The following COL21A1 variants were observed in gnomAD, a reference collection of about 807,000 sequenced individuals.
COL21A1 encodes the protein collagen alpha-1(XXI) chain.
COL21A1 carries 149 observed loss-of-function variants against 137.9 expected under a neutral mutation model. The observed-to-expected ratio is 1.08, with a 90% CI of 0.95 to 1.24. The LOEUF (loss-of-function observed/expected upper bound fraction) is 1.24, where lower values mean the gene tolerates loss of function less well. COL21A1 is among the 50% of genes most tolerant of loss of function. COL21A1 has a pLI of 0.00. For synonymous variants in COL21A1, 456 were observed against 391.5 expected, an observed-to-expected ratio of 1.16 and a Z score of -1.95; for missense variants, 1,167 against 1,158.4, an observed-to-expected ratio of 1.01 and a Z score of -0.11.
At chr6:56,094,852 A>G (rs1339606045) in intron 17 of COL21A1, among the ~76,000 whole-genome samples, 1 of 152,148 alleles carries the variant, frequency 6.6e-6, no homozygotes, top group East Asian at 1.9e-4. Flanking sequence ...TCTCTAGGAA[A>G]CTTCAGTGTT....
chr6:56,178,050 G>A (rs1184069075), intron 3 of COL21A1, among the ~76,000 whole-genome samples: 1 of 152,034 alleles, frequency 6.6e-6, no homozygotes, highest in East Asian at 1.9e-4. Context: ...TTCATGTGTA[G>A]TTAGAATCAT....
intron 1 of COL21A1, among the ~76,000 whole-genome samples, chr6:56,362,884 T>C (rs934774206): frequency 2.6e-5 from 4 of 152,214 alleles, no homozygotes; most frequent in African/African-American, 9.6e-5. Context: ...ATTCTTCCAC[T>C]TGGCAGCAAA....
chr6:56,243,680 T>C (rs1246272611), intron 1 of COL21A1, among the ~76,000 whole-genome samples: 1 of 152,170 alleles, frequency 6.6e-6, no homozygotes, highest in Non-Finnish European at 1.5e-5. Context: ...CCTACTGAGG[T>C]AGGTTCTACT....
chr6:56,177,531 C>G (rs1044652055), intron 3 of COL21A1, among the ~76,000 whole-genome samples: 2 of 152,090 alleles, frequency 1.3e-5, no homozygotes, highest in Non-Finnish European at 2.9e-5. Flanking sequence ...CGGTGGCTCA[C>G]GCCTGTAATC....
chr6:56,358,118 C>A (rs199536107), intron 1 of COL21A1, among the ~76,000 whole-genome samples: 2 of 152,048 alleles, frequency 1.3e-5, no homozygotes, highest in Admixed American at 6.6e-5. Flanking sequence ...TTCAGTTGCA[C>A]TTTTTTTCTA....
At chr6:56,305,441 GGATA>G (rs1457435841) in intron 1 of COL21A1, among the ~76,000 whole-genome samples, 1 of 152,226 alleles carries the variant, frequency 6.6e-6, no homozygotes, top group African/African-American at 2.4e-5. Flanking sequence ...TATATATTTA[GGATA>G]GTTAGCTCTT....
At chr6:56,129,341 T>C (rs747072676) in intron 12 of COL21A1, among the ~76,000 whole-genome samples, 1 of 152,060 alleles carries the variant, frequency 6.6e-6, no homozygotes, top group Non-Finnish European at 1.5e-5. Context: ...AGAATGCAGA[T>C]AATACAGTAA....
At chr6:56,098,480 T>C (rs1460583071) in intron 17 of COL21A1, among the ~76,000 whole-genome samples, 2 of 18,522 alleles carry the variant, frequency 1.1e-4, no homozygotes, top group African/African-American at 5.6e-4. Context: ...TATATAAATA[T>C]ACATATATAA....
chr6:56,144,847 C>T (rs1774712871), intron 10 of COL21A1, among the ~76,000 whole-genome samples: 1 of 152,196 alleles, frequency 6.6e-6, no homozygotes, highest in Non-Finnish European at 1.5e-5. Flanking sequence ...AATGTTTGCC[C>T]TTCCTTTTAC....
chr6:56,084,877 C>T (rs1306264346), intron 17 of COL21A1, among the ~76,000 whole-genome samples: 1 of 152,010 alleles, frequency 6.6e-6, no homozygotes, highest in Non-Finnish European at 1.5e-5. Flanking sequence ...CTTAATACAC[C>T]TCCCTGCTAT....
At chr6:56,100,973 G>A (rs1426561172) in intron 17 of COL21A1, among the ~76,000 whole-genome samples, 1 of 152,150 alleles carries the variant, frequency 6.6e-6, no homozygotes, top group Non-Finnish European at 1.5e-5. Flanking sequence ...TGTTGGCCAC[G>A]AGTTGTAGGA....
At chr6:56,248,939 A>T (rs1434304333), upstream of COL21A1, among the ~76,000 whole-genome samples, 1 of 152,226 alleles carries the variant, frequency 6.6e-6, no homozygotes, top group Non-Finnish European at 1.5e-5. Context: ...AAATCACACT[A>T]TCTAGAAAGT....
intron 1 of COL21A1, among the ~76,000 whole-genome samples, chr6:56,294,494 A>T (rs1764120288): frequency 6.6e-6 from 1 of 152,060 alleles, no homozygotes; most frequent in Non-Finnish European, 1.5e-5. Flanking sequence ...CCCTTTGCCC[A>T]TATACACACA....
intron 1 of COL21A1, among the ~76,000 whole-genome samples, chr6:56,376,900 C>A (rs1436308418): frequency 7.4e-6 from 1 of 136,054 alleles, no homozygotes; most frequent in Non-Finnish European, 1.5e-5. Context: ...TTCATAAGAA[C>A]CAAAAATCAG....
At chr6:56,353,703 T>C (rs1364593160) in intron 1 of COL21A1, among the ~76,000 whole-genome samples, 1 of 152,070 alleles carries the variant, frequency 6.6e-6, no homozygotes, top group African/African-American at 2.4e-5. Context: ...TATCAAAATG[T>C]GAATAACCAG....
intron 1 of COL21A1, among the ~76,000 whole-genome samples, chr6:56,377,335 G>A (rs1023062722): frequency 3.3e-5 from 5 of 151,348 alleles, no homozygotes; most frequent in African/African-American, 4.9e-5. Context: ...CCCAATCCCC[G>A]ATTCCCCACT....
intron 10 of COL21A1, among the ~76,000 whole-genome samples, chr6:56,151,235 A>AAAAC (rs1561921107): frequency 2.6e-5 from 4 of 152,200 alleles, no homozygotes; most frequent in African/African-American, 9.6e-5. Flanking sequence ...CAAACAAAAC[A>AAAAC]AAACAAACAA....
At chr6:56,332,005 A>G (rs770912734) in intron 1 of COL21A1, 1 of 152,178 alleles carries the variant, frequency 6.6e-6, no homozygotes, top group Non-Finnish European at 1.5e-5. Context: ...TAAAAAACAC[A>G]AGTTTCATAC....
chr6:56,286,019 A>C (rs1168781630), intron 1 of COL21A1, among the ~76,000 whole-genome samples: 1 of 152,160 alleles, frequency 6.6e-6, no homozygotes, highest in African/African-American at 2.4e-5. Flanking sequence ...TCATTAGCTC[A>C]ATCTGTTTCA....
Sources: allele counts gnomAD v4.1 joint callset (sites outside exome capture counted in the v4.1 genomes callset), GRCh38; gene constraint gnomAD v4.1.1; transcripts MANE v1.5; gene names NCBI Gene and HGNC (gene_info 2026-07-23, HGNC 2026-07-21).